Variants in KAZN observed in about 807,000 individuals in gnomAD.
The protein encoded by KAZN is kazrin.
A neutral mutation model predicts 87.4 loss-of-function variants in KAZN; 40 were observed. That is an observed-to-expected ratio of 0.46 (90% CI 0.36 to 0.60). KAZN has a LOEUF of 0.60. Among genes scored for constraint, KAZN ranks in the 20% least tolerant of loss-of-function variants. The pLI is 0.00. For synonymous variants in KAZN, 466 were observed against 458.3 expected, an observed-to-expected ratio of 1.02 and a Z score of -0.22; for missense variants, 898 against 1,073.9, an observed-to-expected ratio of 0.84 and a Z score of 2.29.
intron 2 of KAZN, among the ~76,000 whole-genome samples, chr1:14,416,394 G>A (rs940768755): frequency 2.6e-5 from 4 of 152,188 alleles, no homozygotes; most frequent in Non-Finnish European, 5.9e-5. Context: ...TCTGCAAAGT[G>A]ACATTTCAGC....
chr1:15,098,317 T>C (rs1042274967), intron 10 of KAZN, among the ~76,000 whole-genome samples: 1 of 152,222 alleles, frequency 6.6e-6, no homozygotes, highest in African/African-American at 2.4e-5. Flanking sequence ...TTACAATAAA[T>C]AGCTCAAACC....
At chr1:14,342,962 G>A (rs1657846271) in intron 2 of KAZN, among the ~76,000 whole-genome samples, 1 of 152,132 alleles carries the variant, frequency 6.6e-6, no homozygotes, top group Admixed American at 6.6e-5. Flanking sequence ...CCAACATGGT[G>A]AAACCCCATC....
intron 2 of KAZN, among the ~76,000 whole-genome samples, chr1:14,222,883 C>T (rs1383746240): frequency 6.6e-6 from 1 of 152,168 alleles, no homozygotes; most frequent in Non-Finnish European, 1.5e-5. Flanking sequence ...TAGTATTTAT[C>T]ATGCTCAAAG....
At chr1:14,157,562 C>A (rs1374344616) in intron 1 of KAZN, among the ~76,000 whole-genome samples, 2 of 152,142 alleles carry the variant, frequency 1.3e-5, no homozygotes, top group Non-Finnish European at 2.9e-5. Context: ...TCTCTCCTGG[C>A]CTGTAAGGTT....
intron 1 of KAZN, among the ~76,000 whole-genome samples, chr1:14,059,699 T>G (rs1642712646): frequency 6.6e-6 from 1 of 152,216 alleles, no homozygotes; most frequent in South Asian, 2.1e-4. Flanking sequence ...CATCTAGATA[T>G]TCTAAGATAC....
intron 1 of KAZN, among the ~76,000 whole-genome samples, chr1:13,960,308 C>T (rs1180208587): frequency 6.6e-6 from 1 of 152,182 alleles, no homozygotes; most frequent in East Asian, 1.9e-4. Context: ...CAGAGAGCTT[C>T]GCCCAACATC....
intron 1 of KAZN, among the ~76,000 whole-genome samples, chr1:13,910,924 G>T (rs114783532): frequency 0.075 from 11,466 of 152,048 alleles, 620 homozygotes; most frequent in Non-Finnish European, 0.11. Flanking sequence ...GAAGCATGGC[G>T]TCTTCTGTTT....
intron 13 of KAZN, among the ~76,000 whole-genome samples, chr1:15,108,505 C>A (rs186320897): frequency 9.8e-5 from 15 of 152,358 alleles, no homozygotes; most frequent in Admixed American, 7.2e-4. Context: ...CTTCCCAGGG[C>A]TTTGCAGAGG....
rs553018645 is a variant in KAZN at position 14,610,107 on chromosome 1, T to C, written c.226+10884T>C. ...GCCCACGATGAAAGGGGAATCCATT[T>C]TTACAAATGAATACAATTTTTTACA... On this transcript the variant is annotated intron_variant, in intron 1 of 14. Transcript: ENST00000376030. 7.9e-5 allele frequency among the ~76,000 whole-genome samples: 12 copies of C among 152,380 alleles called. No individual in the cohort carries two copies. The East Asian group carries it at 2.1e-3, about 27-fold the overall frequency.
chr1:14,656,931 C>T, intron 1 of KAZN, among the ~76,000 whole-genome samples: 1 of 152,186 alleles, frequency 6.6e-6, no homozygotes, highest in East Asian at 1.9e-4. Flanking sequence ...CACCATTTTA[C>T]AGGCCAGGAA....
chr1:15,073,078 C>T (rs1311450451), intron 8 of KAZN, among the ~76,000 whole-genome samples: 1 of 152,208 alleles, frequency 6.6e-6, no homozygotes, highest in Non-Finnish European at 1.5e-5. Flanking sequence ...GGCAGGGCTC[C>T]AGCCTACCCT....
chr1:14,419,347 C>G (rs1482853753), intron 2 of KAZN, among the ~76,000 whole-genome samples: 4 of 152,188 alleles, frequency 2.6e-5, no homozygotes, highest in Non-Finnish European at 4.4e-5. Context: ...GTGATCTTTC[C>G]ACCCTGCCCG....
intron 13 of KAZN, 36 bp from the exon 14 acceptor site, chr1:15,112,391 G>T: frequency 8.3e-7 from 1 of 1,198,954 alleles, no homozygotes; most frequent in Non-Finnish European, 1.2e-6. Context: ...AGCTGACTGA[G>T]CCTCCCCTGC....
intron 2 of KAZN, among the ~76,000 whole-genome samples, chr1:14,562,423 T>G (rs1044651506): frequency 1.3e-5 from 2 of 152,200 alleles, no homozygotes; most frequent in African/African-American, 4.8e-5. Flanking sequence ...GTATAAACCT[T>G]AGCAAACTTC....
chr1:14,962,219 C>T (rs915783785), intron 2 of KAZN, among the ~76,000 whole-genome samples: 1 of 152,238 alleles, frequency 6.6e-6, no homozygotes, highest in Non-Finnish European at 1.5e-5. Context: ...GGGAAGTCCT[C>T]AGCTGAGGGT....
intron 1 of KAZN, among the ~76,000 whole-genome samples, chr1:13,977,918 G>A (rs1181073656): frequency 6.6e-6 from 1 of 152,112 alleles, no homozygotes; most frequent in Non-Finnish European, 1.5e-5. Flanking sequence ...ACAAGGTCAG[G>A]AGATTGAGAC....
At chr1:14,818,967 A>G (rs1172390160) in intron 1 of KAZN, among the ~76,000 whole-genome samples, 1 of 152,204 alleles carries the variant, frequency 6.6e-6, no homozygotes, top group Non-Finnish European at 1.5e-5. Flanking sequence ...AGGCAGGACA[A>G]TCGCTTGAAT....
chr1:14,605,804 C>A (rs1677313040), intron 1 of KAZN, among the ~76,000 whole-genome samples: 1 of 151,990 alleles, frequency 6.6e-6, no homozygotes, highest in Non-Finnish European at 1.5e-5. Context: ...CTATGTAATG[C>A]CCGTTTTTCA....
intron 2 of KAZN, among the ~76,000 whole-genome samples, chr1:14,252,849 T>A (rs1428506722): frequency 6.6e-6 from 1 of 152,186 alleles, no homozygotes; most frequent in Non-Finnish European, 1.5e-5. Flanking sequence ...GCAGGGGCTG[T>A]ACTCCATGTA....
Sources: gnomAD v4.1 joint callset for allele counts (sites outside exome capture counted in the v4.1 genomes callset) on GRCh38, gnomAD v4.1.1 for gene constraint, MANE v1.5 for transcripts, NCBI Gene and HGNC (gene_info 2026-07-23, HGNC 2026-07-21) for gene names.